RNASEH2B: variants seen among roughly 807,000 people sequenced by gnomAD.
RNASEH2B encodes the protein Aicardi-Goutieres syndrome 2 protein.
In RNASEH2B, 36 loss-of-function variants were observed where a neutral mutation model predicts 45.0. That is an observed-to-expected ratio of 0.80 (90% CI 0.61 to 1.06). The LOEUF is 1.06. RNASEH2B is among the 50% of genes least tolerant of loss of function. The pLI is 0.00. For missense variants in RNASEH2B, 361 were observed against 360.3 expected (o/e 1.00, Z -0.02); for synonymous variants, 119 against 125.7 (o/e 0.95, Z 0.35).
At chr13:50,945,360 A>G (rs1374345533) in intron 6 of RNASEH2B, 67 bp from the exon 7 acceptor site, 11 of 1,091,582 alleles carry the variant, frequency 1.0e-5, no homozygotes, top group South Asian at 2.5e-5. Flanking sequence ...AAGGCCACCT[A>G]TGAATTCATA....
chr13:50,968,660 T>G lies in RNASEH2B; in HGVS notation c.742-1272T>G, dbSNP rs543235524. 4.6e-5 allele frequency among the ~76,000 whole-genome samples: 7 copies of G among 152,358 alleles called. No homozygotes were observed. In the South Asian group the frequency reaches 1.4e-3, roughly 32 times the overall value. Reference sequence around the variant, plus strand: ...GAAAGGAAAAAAATCACATTTATTCTGCTGCATCTTCTTGCTTTATTCATA... The same window carrying G: ...GAAAGGAAAAAAATCACATTTATTCGGCTGCATCTTCTTGCTTTATTCATA... On this transcript the variant is annotated intron_variant, in intron 9 of 9. Coordinates refer to the RNASEH2B transcript ENST00000422660.
intron 1 of RNASEH2B, among the ~76,000 whole-genome samples, chr13:50,922,407 G>A (rs1187814726): frequency 6.6e-6 from 1 of 152,204 alleles, no homozygotes; most frequent in African/African-American, 2.4e-5. Flanking sequence ...ATGAGGTCCG[G>A]AGAAGGCAAT....
intron 1 of RNASEH2B, among the ~76,000 whole-genome samples, chr13:50,924,873 A>G (rs1380253766): frequency 6.6e-6 from 1 of 152,180 alleles, no homozygotes; most frequent in Non-Finnish European, 1.5e-5. Flanking sequence ...TACTGATTTC[A>G]AAGTATTATT....
rs562405830 is a variant in RNASEH2B, at chr13:50,926,934, A to G, written c.65-473A>G. Among the ~76,000 whole-genome samples the G allele has an allele frequency of 7.4e-4, 113 of 152,298 alleles. 3 individuals are homozygous for G. The South Asian group carries it at 0.022, about 30-fold the overall frequency. ...ATATGTTTACAATGCTGTACTTCAT[A>G]ATAGTAACAATTACAAATTATAATA... On this transcript the variant is annotated intron_variant, in intron 1 of 10. Transcript: ENST00000336617.
chr13:50,938,224 C>T (rs1951783867), intron 5 of RNASEH2B: 1 of 151,816 alleles, frequency 6.6e-6, no homozygotes, highest in African/African-American at 2.4e-5. Flanking sequence ...ATGTTCAAGA[C>T]CAATATGCTG....
chr13:50,934,390 G>A (rs1454821831), intron 4 of RNASEH2B: 1 of 156,930 alleles, frequency 6.4e-6, no homozygotes, highest in Non-Finnish European at 1.4e-5. Context: ...TTTGACAGGG[G>A]TAGATTCACT....
Position 50,935,168 on chromosome 13 carries a change from T to G in RNASEH2B, c.436+169T>G, listed in dbSNP as rs1951731780. On this transcript the variant is annotated intron_variant, in intron 5 of 10. Coordinates refer to ENST00000336617, the MANE Select transcript of RNASEH2B (RefSeq NM_024570.4). Reference sequence around the variant, plus strand: ...GCACTGTTCCTCTATTGCTTTGGAGTGTTTAGTCTTTGGAACTACAACCAT... The same window carrying G: ...GCACTGTTCCTCTATTGCTTTGGAGGGTTTAGTCTTTGGAACTACAACCAT... 10 of 625,644 alleles carry G rather than the reference T, an allele frequency of 1.6e-5. No individual in the cohort carries two copies. In the East Asian group the frequency reaches 2.8e-4, roughly 17 times the overall value. The allele number at this position is 625,644 out of a possible 1,614,324, so 38.8% of individuals were successfully genotyped here.
intron 1 of RNASEH2B, among the ~76,000 whole-genome samples, chr13:50,924,703 C>G (rs932162440): frequency 6.6e-6 from 1 of 152,012 alleles, no homozygotes; most frequent in Admixed American, 6.6e-5. Context: ...GGACTACGGG[C>G]ACATGCCACC....
At chr13:50,948,229 G>A in intron 8 of RNASEH2B, 161 bp downstream of exon 8, 1 of 1,147,218 alleles carries the variant, frequency 8.7e-7, no homozygotes. Context: ...TTTAATGGAT[G>A]ATTGGAATGA....
rs540876800 is a variant in RNASEH2B at position 50,935,146 on chromosome 13, C to T, written c.436+147C>T. 16 of 672,488 alleles carry T rather than the reference C, an allele frequency of 2.4e-5. No homozygotes were observed. In the African/African-American group the frequency reaches 2.8e-4, roughly 12 times the overall value. The allele number at this position is 672,488 out of a possible 1,614,324, so 41.7% of individuals were successfully genotyped here. On this transcript the variant is annotated intron_variant, in intron 5 of 10. Coordinates refer to ENST00000336617, the MANE Select transcript of RNASEH2B (RefSeq NM_024570.4). ...TTCAGATTTGCTAACACTGCCAGCA[C>T]TGTTCCTCTATTGCTTTGGAGTGTT...
intron 9 of RNASEH2B, among the ~76,000 whole-genome samples, chr13:50,969,417 A>G (rs1468928582): frequency 1.3e-5 from 2 of 151,608 alleles, no homozygotes; most frequent in Admixed American, 6.6e-5. Flanking sequence ...TCACAGGGAC[A>G]TTAGGTGCTA....
chr13:50,930,894 A>T (rs1951673531), intron 4 of RNASEH2B, 135 bp downstream of exon 4: 4 of 762,256 alleles, frequency 5.2e-6, no homozygotes, highest in Non-Finnish European at 9.4e-6. Flanking sequence ...AGAAAACATG[A>T]ATCATATGGG....
intron 1 of RNASEH2B, chr13:50,915,400 T>C: frequency 2.5e-6 from 1 of 398,628 alleles, no homozygotes; most frequent in Non-Finnish European, 4.4e-6. Flanking sequence ...AATTCCTACT[T>C]ATCCTTTAAA....
chr13:50,953,915 T>C lies in RNASEH2B; in HGVS notation c.752T>C (p.Leu251Ser). 2.5e-6 allele frequency: 4 copies of C among 1,600,186 alleles called. No individual in the cohort carries two copies. The highest frequency in any genetic ancestry group is 3.4e-6 in the Non-Finnish European group (4 of 1,167,378). ...LPNPPSKKIK[L>S]SDEPVEAKED... The stretch of plus-strand genomic sequence containing the variant: ...GCTCTAATGTTGCAGAAAATAAAGT[T>C]ATCAGATGAGCCTGTAGAAGCAAAA... Residue 251 changes from leucine to serine, a missense_variant, in exon 10 of 11, where the codon TTA becomes TCA. By Grantham distance (145) the Leu-to-Ser change is moderately radical. Transcript: ENST00000336617.
chr13:50,939,272 GCA>G (rs1951802941), intron 5 of RNASEH2B: 1 of 151,872 alleles, frequency 6.6e-6, no homozygotes, highest in African/African-American at 2.4e-5. Flanking sequence ...CAGGAGAATG[GCA>G]TGAACCCAGG....
chr13:50,965,149 G>C (rs1384275106), intron 9 of RNASEH2B, among the ~76,000 whole-genome samples: 1 of 152,178 alleles, frequency 6.6e-6, no homozygotes, highest in Non-Finnish European at 1.5e-5. Flanking sequence ...CCATCATAAC[G>C]TAAGGTTGTA....
At chr13:50,932,784 TCTTA>T (rs1257031479) in intron 4 of RNASEH2B, among the ~76,000 whole-genome samples, 1 of 152,196 alleles carries the variant, frequency 6.6e-6, no homozygotes, top group Non-Finnish European at 1.5e-5. Flanking sequence ...CTTATAAATT[TCTTA>T]CTTAATCCTT....
chr13:50,961,957 A>G (rs1952116175), intron 9 of RNASEH2B, among the ~76,000 whole-genome samples: 1 of 152,154 alleles, frequency 6.6e-6, no homozygotes. Flanking sequence ...ATGATCAAGT[A>G]GTTTTCTTTT....
At chr13:50,945,557 A>C in intron 7 of RNASEH2B, 25 bp downstream of exon 7, 4 of 1,541,776 alleles carry the variant, frequency 2.6e-6, no homozygotes, top group Non-Finnish European at 3.6e-6. Flanking sequence ...TTATCAGAAA[A>C]GATTTTTGTC....
Sources: gnomAD v4.1 joint callset for allele counts (sites outside exome capture counted in the v4.1 genomes callset) on GRCh38, gnomAD v4.1.1 for gene constraint, MANE v1.5 for transcripts, NCBI Gene and HGNC (gene_info 2026-07-23, HGNC 2026-07-21) for gene names.